The following BMPER variants were observed in gnomAD, a reference collection of about 807,000 sequenced individuals.
The protein encoded by BMPER is BMP binding endothelial regulator, also known as BMP-binding endothelial regulator protein.
BMPER carries 45 observed loss-of-function variants against 87.3 expected under a neutral mutation model. The observed-to-expected ratio is 0.52, with a 90% confidence interval of 0.41 to 0.66. BMPER has a LOEUF of 0.66. Among genes scored for constraint, BMPER ranks in the 30% least tolerant of loss-of-function variants. The pLI, the probability that BMPER is intolerant of heterozygous loss-of-function variation, is 0.00. For synonymous variants in BMPER, 326 were observed against 316.2 expected (o/e 1.03, Z -0.33); for missense variants, 784 against 867.5 (o/e 0.90, Z 1.21).
At chr7:34,024,431 ATATG>A (rs752031524) in intron 6 of BMPER, among the ~76,000 whole-genome samples, 1 of 70,142 alleles carries the variant, frequency 1.4e-5, no homozygotes, top group Non-Finnish European at 2.5e-5. Flanking sequence ...ATATATATAT[ATATG>A]TTGGGGAGGG....
chr7:33,968,287 C>T (rs901063501), intron 4 of BMPER, among the ~76,000 whole-genome samples: 29 of 152,202 alleles, frequency 1.9e-4, no homozygotes, highest in Non-Finnish European at 4.0e-4. Flanking sequence ...AAGCAACCTG[C>T]GGTGAAGGGA....
At chr7:33,905,767 G>GGTGGGC in intron 1 of BMPER, 21 bp downstream of exon 1, 1 of 914,088 alleles carries the variant, frequency 1.1e-6, no homozygotes, top group Non-Finnish European at 1.7e-6. Context: ...GGGCGGGAGG[G>GGTGGGC]ACCGGCCCTC....
chr7:34,020,651 A>G (rs557284646), intron 6 of BMPER, among the ~76,000 whole-genome samples: 1 of 152,104 alleles, frequency 6.6e-6, no homozygotes, highest in East Asian at 2.0e-4. Flanking sequence ...TAGGAGTAAA[A>G]GGCGAAGTAG....
chr7:34,111,954 C>T (rs575753515), intron 13 of BMPER, among the ~76,000 whole-genome samples: 102 of 152,126 alleles, frequency 6.7e-4, no homozygotes, highest in African/African-American at 1.0e-3. Context: ...TCAGGTGATC[C>T]GCCTGCCTCG....
At chr7:34,090,315 G>A (rs1351994321) in intron 13 of BMPER, among the ~76,000 whole-genome samples, 1 of 152,222 alleles carries the variant, frequency 6.6e-6, no homozygotes, top group Non-Finnish European at 1.5e-5. Flanking sequence ...GGATTCAAAT[G>A]TAGGCTACCT....
chr7:34,145,036 T>C (rs1370610676), intron 14 of BMPER, among the ~76,000 whole-genome samples: 3 of 152,230 alleles, frequency 2.0e-5, no homozygotes, highest in African/African-American at 7.2e-5. Flanking sequence ...GGCTGGACAT[T>C]GGAATCACCC....
intron 13 of BMPER, among the ~76,000 whole-genome samples, chr7:34,097,088 C>T (rs1297419233): frequency 6.6e-6 from 1 of 152,170 alleles, no homozygotes; most frequent in African/African-American, 2.4e-5. Flanking sequence ...ATGCTGGATG[C>T]TATGAGAAAC....
chr7:34,057,602 A>G (rs542616933), intron 9 of BMPER, among the ~76,000 whole-genome samples: 9 of 152,322 alleles, frequency 5.9e-5, no homozygotes, highest in African/African-American at 2.2e-4. Flanking sequence ...ACCATGGCAC[A>G]TCTGGTAATT....
At chr7:34,009,676 G>A (rs2127940173) in intron 6 of BMPER, among the ~76,000 whole-genome samples, 1 of 152,062 alleles carries the variant, frequency 6.6e-6, no homozygotes, top group East Asian at 1.9e-4. Flanking sequence ...TGGAAGAGGG[G>A]AGGCATCCTT....
rs567470437 is a variant in BMPER, at chr7:34,153,268, C to T, written c.2053C>T (p.Arg685Trp). The T allele has an allele frequency of 3.6e-5, 58 of 1,613,932 alleles. No individual in the cohort carries two copies. The highest frequency in any genetic ancestry group is 4.6e-5 in the Non-Finnish European group (54 of 1,179,926). The change falls in exon 15 of 15, where the codon CGG becomes TGG. Residue 685 changes from arginine (R) to tryptophan (W), a missense_variant. Physicochemically the swap from Arg to Trp is moderately radical, Grantham distance 101 (BLOSUM62 -3). Coordinates refer to ENST00000649409, the MANE Select transcript of BMPER (RefSeq NM_001365308.1). ...CATCAAGCCAGTCCTTTGTCCCCAG[C>T]GGTGACCTTTGTTTCGATCCTTAAG... ...RCIKPVLCPQ[R>W]
intron 14 of BMPER, among the ~76,000 whole-genome samples, chr7:34,151,178 G>T (rs181422062): frequency 1.3e-5 from 2 of 152,180 alleles, no homozygotes; most frequent in African/African-American, 2.4e-5. Context: ...GGGTAAAGAG[G>T]GGGTAGAGGA....
chr7:33,914,594 A>G (rs1259691455), intron 2 of BMPER, among the ~76,000 whole-genome samples: 1 of 152,230 alleles, frequency 6.6e-6, no homozygotes, highest in Non-Finnish European at 1.5e-5. Context: ...TGAGTTCAGT[A>G]TAGAGAAATC....
At chr7:34,020,369 C>G (rs1190700534) in intron 6 of BMPER, among the ~76,000 whole-genome samples, 2 of 151,946 alleles carry the variant, frequency 1.3e-5, no homozygotes, top group Non-Finnish European at 2.9e-5. Context: ...ACAGTCTTAT[C>G]TGGAGTTACA....
At chr7:33,915,347 A>G (rs79076706) in intron 2 of BMPER, among the ~76,000 whole-genome samples, 2,738 of 152,344 alleles carry the variant, frequency 0.018, 91 homozygotes, top group East Asian at 0.1. Context: ...TAAACTTTTA[A>G]GTTTGCTCTA....
rs1417698004 is a variant in BMPER at position 34,153,352 on chromosome 7, T to C, written c.*79T>C. On this transcript the variant is annotated 3_prime_UTR_variant, in exon 15 of 15. Transcript: ENST00000649409. ...GAAGAGCCAATGAAGGACTGCAGTA[T>C]TTGTGTGCCCGATTCTGTAAACACA... 1.4e-6 allele frequency: 2 copies of C among 1,475,072 alleles called. No individual in the cohort carries two copies. The highest frequency in any genetic ancestry group is 1.7e-5 in the Admixed American group (1 of 59,388). 91.4% of individuals were successfully genotyped at this position (1,475,072 alleles called of 1,614,324 possible).
chr7:33,979,310 C>A (rs1023191129), intron 6 of BMPER, among the ~76,000 whole-genome samples: 1 of 151,212 alleles, frequency 6.6e-6, no homozygotes, highest in Non-Finnish European at 1.5e-5. Flanking sequence ...GTTCACCTGG[C>A]GAATGCTTGA....
intron 2 of BMPER, among the ~76,000 whole-genome samples, chr7:33,918,324 T>C (rs1189429092): frequency 6.6e-6 from 1 of 152,260 alleles, no homozygotes; most frequent in East Asian, 1.9e-4. Flanking sequence ...CATTATTTTC[T>C]AATTGAACAG....
At chr7:34,011,497 A>G (rs979688129) in intron 6 of BMPER, among the ~76,000 whole-genome samples, 1 of 145,944 alleles carries the variant, frequency 6.9e-6, no homozygotes, top group Non-Finnish European at 1.5e-5. Context: ...ACCGCTGTCT[A>G]TGGAAGATGA....
chr7:34,034,522 C>T (rs976832285), intron 6 of BMPER, among the ~76,000 whole-genome samples: 1 of 152,178 alleles, frequency 6.6e-6, no homozygotes, highest in Non-Finnish European at 1.5e-5. Flanking sequence ...GCCACTACTT[C>T]CACCATCTTT....
Sources: allele counts gnomAD v4.1 joint callset (sites outside exome capture counted in the v4.1 genomes callset), GRCh38; gene constraint gnomAD v4.1.1; transcripts MANE v1.5; gene names NCBI Gene and HGNC (gene_info 2026-07-23, HGNC 2026-07-21).